Variants in KLC4 observed in about 807,000 individuals in gnomAD.
KLC4 encodes the protein kinesin-like protein 8.
In KLC4, 49 loss-of-function variants were observed where a neutral mutation model predicts 77.2. That is an observed-to-expected ratio of 0.63 (90% confidence interval 0.50 to 0.80). The LOEUF (loss-of-function observed/expected upper bound fraction) is 0.80, where lower values mean the gene tolerates loss of function less well. Ranked by LOEUF, KLC4 falls within the 30% of genes least tolerant of loss-of-function variation. The pLI is 0.00. For missense variants in KLC4, 669 were observed against 793.5 expected, an observed-to-expected ratio of 0.84 and a Z score of 1.89; for synonymous variants, 274 against 314.5, an observed-to-expected ratio of 0.87 and a Z score of 1.36.
chr6:43,067,203 G>A, intron 6 of KLC4, 120 bp downstream of exon 6: 1 of 1,454,252 alleles, frequency 6.9e-7, no homozygotes, highest in Non-Finnish European at 9.2e-7. Context: ...TGAGGAAGGA[G>A]GCATAAGAAG....
chr6:43,071,297 G>A lies in KLC4; in HGVS notation c.1178G>A (p.Gly393Asp), dbSNP rs1056310412. 5.6e-6 allele frequency: 9 copies of A among 1,613,668 alleles called. No homozygotes were observed. Among genetic ancestry groups the A allele is most frequent in the Non-Finnish European group, 7.6e-6 (9 of 1,179,856 alleles). The change falls in exon 9 of 16, where the codon GGC becomes GAC. Residue 393 changes from glycine (G) to aspartate (D), a missense_variant. Coordinates refer to ENST00000347162, the MANE Select transcript of KLC4 (RefSeq NM_201521.3). ...NNLASCYLKQ[G>D]KYAEAETLYK... ...CAGGCTTCCTGTTACCTGAAACAGG[G>A]CAAATATGCTGAGGCTGAGACACTA... is the stretch of plus-strand genomic sequence containing the variant.
intron 3 of KLC4, 107 bp from the exon 4 acceptor site, chr6:43,065,513 C>A: frequency 1.4e-6 from 1 of 723,004 alleles, no homozygotes; most frequent in Non-Finnish European, 2.4e-6. Flanking sequence ...GAACAACAGT[C>A]TTCTCCTAGG....
At chr6:43,071,481 G>C in intron 9 of KLC4, 86 bp from the exon 10 acceptor site, 5 of 1,559,876 alleles carry the variant, frequency 3.2e-6, no homozygotes, top group South Asian at 1.1e-5. Flanking sequence ...GACCCCTTCA[G>C]TCCAGCCTGT....
In KLC4 at chr6:43,061,847, T is replaced by C. The variant is rs538566293; in HGVS notation, c.258+254T>C. On this transcript the variant is annotated intron_variant, in intron 2 of 15. Coordinates refer to ENST00000347162, the MANE Select transcript of KLC4 (RefSeq NM_201521.3). ...GGAAGACAGACAATACATAAATAAA[T>C]AATGATTCGGTATGCCAGAGTGATA... is the stretch of plus-strand genomic sequence containing the variant. 2.0e-5 allele frequency among the ~76,000 whole-genome samples: 3 copies of C among 152,252 alleles called. No homozygotes were observed. The East Asian group carries it at 5.8e-4, about 29-fold the overall frequency.
In KLC4 at chr6:43,065,706, G is replaced by A. The variant is rs770505527; in HGVS notation, c.571+5G>A. ...AAGAGGACCCCAGCAATGGCTGTGA[G>A]TCTGCCTCTGGAATGGGAGGGTGAA... On this transcript the variant is annotated splice_donor_5th_base_variant and intron_variant, in intron 4 of 15. Coordinates refer to ENST00000347162, the MANE Select transcript of KLC4 (RefSeq NM_201521.3). 1 of 1,607,672 alleles carries A rather than the reference G, an allele frequency of 6.2e-7. No individual in the cohort carries two copies. The highest frequency in any genetic ancestry group is 1.1e-5 in the South Asian group (1 of 90,936).
In KLC4 at chr6:43,064,381, T is replaced by G. The variant is rs372224169; in HGVS notation, c.489+1234T>G. Among the ~76,000 whole-genome samples the G allele has an allele frequency of 7.2e-5, 11 of 152,244 alleles. No homozygotes were observed. In the East Asian group the frequency reaches 1.5e-3, roughly 21 times the overall value. ...TCCACAAAAAATTAAAAAATTAGCC[T>G]GATGTGGTCGTGTGCACCTATAGCC... On this transcript the variant is annotated intron_variant, in intron 3 of 15. Transcript: ENST00000347162.
intron 2 of KLC4, 125 bp downstream of exon 2, chr6:43,061,718 T>C (rs1010408064): frequency 3.1e-6 from 3 of 965,908 alleles, no homozygotes; most frequent in Non-Finnish European, 4.5e-6. Flanking sequence ...TAAATATGTA[T>C]TAAGTCCCTA....
intron 6 of KLC4, among the ~76,000 whole-genome samples, chr6:43,068,036 C>T (rs1765530876): frequency 2.3e-5 from 2 of 85,430 alleles, no homozygotes; most frequent in Admixed American, 1.5e-4. Flanking sequence ...GGCGTGAACC[C>T]GGGAGGCGGA....
At position 43,063,129 on chromosome 6, in the gene KLC4, T is replaced by A; in HGVS notation, c.471T>A (p.Asp157Glu). ...LEFLGQLRQY[D>E]EDGHTSEEKE... The stretch of plus-strand genomic sequence containing the variant: ...TCCTGGGGCAGCTGCGGCAGTATGA[T>A]GAGGATGGACATACCTCGGTGAGTG... The change falls in exon 3 of 16, where the codon GAT becomes GAA. Residue 157 changes from aspartate (D) to glutamate (E), a missense_variant. Physicochemically the swap from Asp to Glu is conservative, Grantham distance 45. Coordinates refer to ENST00000347162, the MANE Select transcript of KLC4 (RefSeq NM_201521.3). The A allele has an allele frequency of 1.2e-6, 2 of 1,613,698 alleles. No homozygotes were observed. The highest frequency in any genetic ancestry group is 1.7e-6 in the Non-Finnish European group (2 of 1,179,690).
At chr6:43,070,076 A>T (rs1270081979) in intron 6 of KLC4, among the ~76,000 whole-genome samples, 1 of 148,508 alleles carries the variant, frequency 6.7e-6, no homozygotes, top group African/African-American at 2.5e-5. Flanking sequence ...GGTAATCTTC[A>T]TGGTGACAAC....
intron 15 of KLC4, chr6:43,074,248 TG>T (rs1765866816): frequency 6.5e-6 from 3 of 464,614 alleles, no homozygotes; most frequent in Non-Finnish European, 7.6e-6. Context: ...AAGAATTATT[TG>T]GAGATACGAA....
intron 6 of KLC4, among the ~76,000 whole-genome samples, chr6:43,068,909 A>G (rs1203781712): frequency 6.6e-6 from 1 of 152,164 alleles, no homozygotes; most frequent in Non-Finnish European, 1.5e-5. Flanking sequence ...GGAGTTTGAG[A>G]CCAGCCTGAC....
At chr6:43,066,649 C>G (rs1369782127) in intron 5 of KLC4, 124 bp downstream of exon 5, 2 of 777,990 alleles carry the variant, frequency 2.6e-6, no homozygotes, top group Non-Finnish European at 4.1e-6. Flanking sequence ...CAGATACACC[C>G]CAACAGGGTG....
intron 1 of KLC4, chr6:43,060,083 T>G (rs1765062405): frequency 1.0e-5 from 16 of 1,526,410 alleles, no homozygotes; most frequent in Middle Eastern, 1.9e-4. Flanking sequence ...AGCGCCGCGG[T>G]TCCTTGCGAC....
At chr6:43,067,628 A>G (rs994897239) in intron 6 of KLC4, among the ~76,000 whole-genome samples, 4 of 150,816 alleles carry the variant, frequency 2.7e-5, no homozygotes, top group Non-Finnish European at 5.9e-5. Flanking sequence ...CCCCATCTCT[A>G]CTAAAAAAAA....
At position 43,070,816 on chromosome 6, in the gene KLC4, G is replaced by C. The variant is rs1183244045; in HGVS notation, c.1106G>C (p.Gly369Ala). The change falls in exon 8 of 16, where the codon GGG (glycine) becomes GCG (alanine). Residue 369 changes from glycine to alanine, a missense_variant. Gly to Ala is a moderately conservative substitution (Grantham distance 60). Coordinates refer to ENST00000347162, the MANE Select transcript of KLC4 (RefSeq NM_201521.3). ...CAGCGAGCACTGGCCATCTACGAGGGGCAGCTGGGGCCGGACAACCCTAAT... is the reference window on the plus strand; with the variant it reads ...CAGCGAGCACTGGCCATCTACGAGGCGCAGCTGGGGCCGGACAACCCTAAT... ...YYQRALAIYE[G>A]QLGPDNPNVA... 1 of 1,613,610 alleles carries C rather than the reference G, an allele frequency of 6.2e-7. No individual in the cohort carries two copies. Among genetic ancestry groups the C allele is most frequent in the Non-Finnish European group, 8.5e-7 (1 of 1,179,832 alleles).
chr6:43,066,543 C>T lies in KLC4; in HGVS notation c.791+18C>T. On this transcript the variant is annotated intron_variant, in intron 5 of 15. Transcript: ENST00000347162. Reference sequence around the variant, plus strand: ...GTGTATCGGTGAGGACTTCCCTCCTCCAGTGCCCAGATCTTCCCCCACATT... The same window carrying T: ...GTGTATCGGTGAGGACTTCCCTCCTTCAGTGCCCAGATCTTCCCCCACATT... The T allele has an allele frequency of 6.3e-7, 1 of 1,595,966 alleles. No individual in the cohort carries two copies. Among genetic ancestry groups the T allele is most frequent in the Non-Finnish European group, 8.6e-7 (1 of 1,165,518 alleles).
intron 12 of KLC4, chr6:43,072,615 G>A: frequency 3.4e-6 from 2 of 590,964 alleles, no homozygotes; most frequent in African/African-American, 1.9e-5. Context: ...AATCAATTCA[G>A]TATGGGCCAT....
In KLC4 at chr6:43,073,279, C is replaced by T. The variant is rs145229256; in HGVS notation, c.1686C>T (p.Leu562=). The change falls in exon 14 of 16, where the codon CTC becomes CTT. Residue 562 remains leucine, a synonymous_variant. Transcript: ENST00000347162. ...CTCTTGGCAAGATCCGGGATGTGCT[C>T]CGCAGAAGCAGTGAACTCTTGGTGA... ...SGSLGKIRDV[L]RRSSELLVRK... is the part of the protein sequence containing the mutation. 1 of 1,614,136 alleles carries T rather than the reference C, an allele frequency of 6.2e-7. No homozygotes were observed. Among genetic ancestry groups the T allele is most frequent in the South Asian group, 1.1e-5 (1 of 91,080 alleles).
Sources: gnomAD v4.1 joint callset for allele counts (sites outside exome capture counted in the v4.1 genomes callset) on GRCh38, gnomAD v4.1.1 for gene constraint, MANE v1.5 for transcripts, NCBI Gene and HGNC (gene_info 2026-07-23, HGNC 2026-07-21) for gene names.